The following ZEB1 variants were observed in gnomAD, a reference collection of about 807,000 sequenced individuals.
ZEB1 encodes zinc finger E-box binding homeobox 1, also known as zinc finger E-box-binding homeobox 1.
Under a neutral mutation model 84.9 loss-of-function variants are expected in ZEB1, and 21 were observed. The observed-to-expected ratio is 0.25, with a 90% CI of 0.18 to 0.36. ZEB1 has a LOEUF of 0.36. Ranked by LOEUF, ZEB1 falls within the 10% of genes least tolerant of loss-of-function variation. The pLI, the probability that ZEB1 is intolerant of heterozygous loss-of-function variation, is 1.00. For missense variants in ZEB1, 1,104 were observed against 1,330.2 expected, an observed-to-expected ratio of 0.83 and a Z score of 2.65; for synonymous variants, 420 against 471.1, an observed-to-expected ratio of 0.89 and a Z score of 1.41.
chr10:31,370,606 CTT>C (rs1464131725), intron 1 of ZEB1, among the ~76,000 whole-genome samples: 3 of 152,122 alleles, frequency 2.0e-5, no homozygotes, highest in African/African-American at 7.2e-5. Context: ...CTTTCCCTAA[CTT>C]TATGAATTGA....
chr10:31,369,316 C>T (rs2045248975), intron 1 of ZEB1, among the ~76,000 whole-genome samples: 1 of 152,142 alleles, frequency 6.6e-6, no homozygotes, highest in South Asian at 2.1e-4. Context: ...ACTTATTCTT[C>T]CTCTCTACCT....
In ZEB1 at chr10:31,526,778, C is replaced by G; in HGVS notation, c.2892C>G (p.Asp964Glu). The change falls in exon 9 of 9, where the codon GAC becomes GAG. Residue 964 changes from aspartate (D) to glutamate (E), a missense_variant. By Grantham distance (45) the Asp-to-Glu change is conservative (BLOSUM62 2). This residue lies in a region of ZEB1 where 53 missense variants were observed against 92.5 expected (regional missense o/e 0.57). Coordinates refer to ENST00000424869, the MANE Select transcript of ZEB1 (RefSeq NM_001174096.2). ...LHSGEKPYQC[D>E]KCGKRFSHSG... ...CTGGAGAAAAGCCCTATCAATGTGA[C>G]AAATGTGGAAAGCGCTTCTCACACT... The G allele has an allele frequency of 6.2e-7, 1 of 1,614,070 alleles. No homozygotes were observed. The highest frequency in any genetic ancestry group is 8.5e-7 in the Non-Finnish European group (1 of 1,180,014).
chr10:31,482,725 T>C (rs1591744077), intron 2 of ZEB1, among the ~76,000 whole-genome samples: 1 of 152,160 alleles, frequency 6.6e-6, no homozygotes, highest in East Asian at 1.9e-4. Context: ...CAAAATCCTT[T>C]CCTTGGGCTT....
rs1311325236 is a variant in ZEB1 at position 31,527,483 on chromosome 10, A to C, written c.*219A>C. ...AAATCCGGGTGTGCCTGAACCTCAGACCTAGTAATTTTTCATGCAGTTTTC... is the reference window on the plus strand; with the variant it reads ...AAATCCGGGTGTGCCTGAACCTCAGCCCTAGTAATTTTTCATGCAGTTTTC... On this transcript the variant is annotated 3_prime_UTR_variant, in exon 9 of 9. Transcript: ENST00000424869. The C allele has an allele frequency of 1.2e-5, 7 of 605,610 alleles. No individual in the cohort carries two copies. Among genetic ancestry groups the C allele is most frequent in the Non-Finnish European group, 1.9e-5 (7 of 365,278 alleles). 37.5% of individuals were successfully genotyped at this position (605,610 alleles called of 1,614,324 possible). A position where few individuals can be genotyped will look rare whatever the true frequency, so the allele number is the denominator to read the frequency against.
chr10:31,452,421 G>C (rs1171068350), intron 1 of ZEB1, among the ~76,000 whole-genome samples: 1 of 152,036 alleles, frequency 6.6e-6, no homozygotes, highest in Non-Finnish European at 1.5e-5. Context: ...AGTATTTATA[G>C]ACAAGCTCCT....
chr10:31,415,096 C>T (rs901877253), intron 1 of ZEB1, among the ~76,000 whole-genome samples: 5 of 152,124 alleles, frequency 3.3e-5, no homozygotes, highest in East Asian at 3.8e-4. Flanking sequence ...CATCTTCTTA[C>T]GTTACAAAGA....
At chr10:31,400,906 A>G (rs1227928105) in intron 1 of ZEB1, among the ~76,000 whole-genome samples, 1 of 152,204 alleles carries the variant, frequency 6.6e-6, no homozygotes, top group African/African-American at 2.4e-5. Context: ...TAGAGTCATA[A>G]TCCAAATTTT....
chr10:31,505,880 T>A (rs2068891984), intron 4 of ZEB1, among the ~76,000 whole-genome samples: 1 of 151,952 alleles, frequency 6.6e-6, no homozygotes, highest in Non-Finnish European at 1.5e-5. Context: ...TTTTAGGTAT[T>A]TATTGCTATA....
intron 4 of ZEB1, among the ~76,000 whole-genome samples, chr10:31,503,152 A>C (rs1386088986): frequency 6.6e-6 from 1 of 152,148 alleles, no homozygotes; most frequent in African/African-American, 2.4e-5. Context: ...GCTTTCAAAA[A>C]GCCTCACTGA....
At chr10:31,426,295 T>A (rs986899870) in intron 1 of ZEB1, among the ~76,000 whole-genome samples, 3 of 152,114 alleles carry the variant, frequency 2.0e-5, no homozygotes, top group African/African-American at 7.2e-5. Context: ...GAGAAAACAT[T>A]ACTCTGCCCC....
At chr10:31,458,288 A>G (rs1452989416) in intron 1 of ZEB1, among the ~76,000 whole-genome samples, 1 of 148,728 alleles carries the variant, frequency 6.7e-6, no homozygotes, top group Non-Finnish European at 1.5e-5. Context: ...ATTGTGCATC[A>G]TTTGCCAGTA....
At chr10:31,458,257 G>A (rs1306103688) in intron 1 of ZEB1, among the ~76,000 whole-genome samples, 1 of 151,628 alleles carries the variant, frequency 6.6e-6, no homozygotes, top group Non-Finnish European at 1.5e-5. Context: ...AGTACTGAAA[G>A]TAAAAATGAA....
At chr10:31,346,967 T>C (rs1183086958) in intron 1 of ZEB1, among the ~76,000 whole-genome samples, 1 of 152,154 alleles carries the variant, frequency 6.6e-6, no homozygotes, top group Non-Finnish European at 1.5e-5. Flanking sequence ...TGAGATGTGG[T>C]GCTTTAAAGG....
At chr10:31,336,769 C>T (rs1479132495) in intron 1 of ZEB1, among the ~76,000 whole-genome samples, 1 of 151,996 alleles carries the variant, frequency 6.6e-6, no homozygotes, top group Non-Finnish European at 1.5e-5. Context: ...AAATTAAAAC[C>T]ACGTTAAGAA....
chr10:31,493,492 G>C (rs952688539), intron 2 of ZEB1, among the ~76,000 whole-genome samples: 17 of 151,920 alleles, frequency 1.1e-4, no homozygotes, highest in Admixed American at 9.9e-4. Context: ...AGGTTAACCA[G>C]TTAATCTGTT....
chr10:31,465,907 A>C (rs181427242), intron 2 of ZEB1, among the ~76,000 whole-genome samples: 37 of 152,324 alleles, frequency 2.4e-4, no homozygotes, highest in Non-Finnish European at 4.4e-4. Context: ...CTTTAAAGAT[A>C]CAGATAAGAT....
At position 31,361,100 on chromosome 10, in the gene ZEB1, G is replaced by A. The variant is rs184960027; in HGVS notation, c.58+41808G>A. On this transcript the variant is annotated intron_variant, in intron 1 of 8. Transcript: ENST00000424869. The stretch of plus-strand genomic sequence containing the variant: ...TCTAAGACTTACAAATTACAAGAAC[G>A]ATCTGATCTTACAGTCAAGGAAAAA... The A allele has an allele frequency of 2.7e-4, 430 of 1,611,932 alleles. 2 individuals are homozygous for A. In the African/African-American group the frequency reaches 4.4e-3, roughly 16 times the overall value.
At position 31,527,251 on chromosome 10, in the gene ZEB1, CAAAT is replaced by C; in HGVS notation, c.3366_3369del (p.Asn1123LysfsTer14). ...AGTGAGCAAGTGTCTGAAGAAAAGA[CAAAT>C]GAAGCCTAATCGTTTTTCTAGAAGG... On this transcript the variant is annotated frameshift_variant, in exon 9 of 9. Transcript: ENST00000424869. LOFTEE classifies it high-confidence loss of function. 1.2e-6 allele frequency: 2 copies of C among 1,605,918 alleles called. No individual in the cohort carries two copies. The highest frequency in any genetic ancestry group is 1.7e-6 in the Non-Finnish European group (2 of 1,177,100).
rs558467348 is a variant in ZEB1 at position 31,528,558 on chromosome 10, T to G, written c.*1294T>G. On this transcript the variant is annotated 3_prime_UTR_variant, in exon 9 of 9. Transcript: ENST00000424869. The stretch of plus-strand genomic sequence containing the variant: ...ATAGATCTGTGCAACATTTTTGTAC[T>G]GTATGTCTTCAAACCTGGCAGTATT... The G allele has an allele frequency of 2.0e-5, 3 of 152,352 alleles. No homozygotes were observed. Among genetic ancestry groups the G allele is most frequent in the African/African-American group, 7.2e-5 (3 of 41,594 alleles). The allele number at this position is 152,352 out of a possible 1,614,324, so 9.4% of individuals were successfully genotyped here. A position where few individuals can be genotyped will look rare whatever the true frequency, so the allele number is the denominator to read the frequency against.
Sources: allele counts gnomAD v4.1 joint callset (sites outside exome capture counted in the v4.1 genomes callset), GRCh38; gene constraint gnomAD v4.1.1; regional missense constraint gnomAD v4.1.1; transcripts MANE v1.5; gene names NCBI Gene and HGNC (gene_info 2026-07-23, HGNC 2026-07-21).